AGK: variants seen among roughly 807,000 people sequenced by gnomAD.
AGK encodes the protein acylglycerol kinase, also known as acylglycerol kinase, mitochondrial.
AGK carries 52 observed loss-of-function variants against 66.4 expected under a neutral mutation model. That is an observed-to-expected ratio of 0.78 (90% CI 0.63 to 0.99). AGK has a LOEUF of 0.99. Among genes scored for constraint, AGK ranks in the 50% least tolerant of loss-of-function variants. AGK has a pLI of 0.00. For synonymous variants in AGK, 182 were observed against 181.1 expected, an observed-to-expected ratio of 1.00 and a Z score of -0.04; for missense variants, 451 against 506.6, an observed-to-expected ratio of 0.89 and a Z score of 1.05.
At chr7:141,563,487 T>G (rs1795397620) in intron 2 of AGK, among the ~76,000 whole-genome samples, 1 of 152,228 alleles carries the variant, frequency 6.6e-6, no homozygotes, top group Non-Finnish European at 1.5e-5. Context: ...TCAATGCCAT[T>G]TTCTTTCTAA....
chr7:141,619,599 TTTAGTCA>T (rs1796780585), intron 8 of AGK, among the ~76,000 whole-genome samples: 1 of 152,032 alleles, frequency 6.6e-6, no homozygotes, highest in Non-Finnish European at 1.5e-5. Context: ...GAAGAAAATC[TTTAGTCA>T]TTAGAGAAAT....
chr7:141,616,119 G>T (rs1322997060), intron 8 of AGK: 1 of 152,336 alleles, frequency 6.6e-6, no homozygotes, highest in East Asian at 1.9e-4. Flanking sequence ...GTGTTTTTGG[G>T]AGTCAAGCAA....
At chr7:141,577,979 A>AT (rs1795788821) in intron 2 of AGK, among the ~76,000 whole-genome samples, 1 of 151,866 alleles carries the variant, frequency 6.6e-6, no homozygotes, top group South Asian at 2.1e-4. Context: ...CGCCCAGCTA[A>AT]TTTTTTTGGA....
intron 5 of AGK, among the ~76,000 whole-genome samples, chr7:141,608,976 A>T (rs1343308279): frequency 6.6e-6 from 1 of 152,200 alleles, no homozygotes; most frequent in Admixed American, 6.5e-5. Flanking sequence ...CATCCTTTTC[A>T]TCAGGATTGA....
Position 141,652,996 on chromosome 7 carries a change from G to GCC in AGK, c.*73_*74dup. The GCC allele has an allele frequency of 6.3e-7, 1 of 1,586,376 alleles. No homozygotes were observed. The highest frequency in any genetic ancestry group is 8.6e-7 in the Non-Finnish European group (1 of 1,163,612). On this transcript the variant is annotated 3_prime_UTR_variant, in exon 16 of 16. Coordinates refer to ENST00000649286, the MANE Select transcript of AGK (RefSeq NM_018238.4). ...GGACCAAAAGGGAACAGGTGCCTCA[G>GCC]CCATCCCAACAGTGTCGTCAGAGGG...
intron 10 of AGK, 130 bp from the exon 11 acceptor site, chr7:141,636,830 C>A: frequency 1.5e-6 from 1 of 656,986 alleles, no homozygotes; most frequent in Non-Finnish European, 2.6e-6. Context: ...TAAGCCATAA[C>A]CTCCTAGCTA....
chr7:141,648,173 A>G (rs751115537), intron 13 of AGK, among the ~76,000 whole-genome samples: 2 of 152,060 alleles, frequency 1.3e-5, no homozygotes, highest in Non-Finnish European at 2.9e-5. Context: ...GCGCCACCTC[A>G]TGTTCCTTGC....
At chr7:141,629,153 T>A (rs932216194) in intron 9 of AGK, among the ~76,000 whole-genome samples, 5 of 152,186 alleles carry the variant, frequency 3.3e-5, no homozygotes, top group Non-Finnish European at 7.3e-5. Flanking sequence ...TCTACTTTGT[T>A]TCTTTCTCTT....
intron 11 of AGK, among the ~76,000 whole-genome samples, chr7:141,639,772 T>A (rs2117010180): frequency 6.6e-6 from 1 of 152,294 alleles, no homozygotes; most frequent in South Asian, 2.1e-4. Context: ...ACATGAATGC[T>A]CCTTTGGGTG....
rs1797612948 is a variant in AGK at position 141,653,493 on chromosome 7, T to A, written c.*569T>A. The A allele has an allele frequency of 6.6e-6, 1 of 152,388 alleles. No individual in the cohort carries two copies. 9.4% of individuals were successfully genotyped at this position (152,388 alleles called of 1,614,324 possible). ...GGAAAATGCTAGTTTTTATTTATTT[T>A]TTTAAGTAGTGCTTCCTAAATGGTT... On this transcript the variant is annotated 3_prime_UTR_variant, in exon 16 of 16. Coordinates refer to ENST00000649286, the MANE Select transcript of AGK (RefSeq NM_018238.4).
rs368433813 is a variant in AGK at position 141,611,177 on chromosome 7, G to A, written c.298-18G>A. On this transcript the variant is annotated intron_variant, in intron 5 of 15. Coordinates refer to ENST00000649286, the MANE Select transcript of AGK (RefSeq NM_018238.4). ...CTCTAGGTTGATAAACTCACCAAAG[G>A]CTTCCTTGGTATTTCAGACAGATTA... 5.1e-6 allele frequency: 8 copies of A among 1,564,848 alleles called. No individual in the cohort carries two copies. Among genetic ancestry groups the A allele is most frequent in the South Asian group, 1.1e-5 (1 of 88,938 alleles).
At position 141,652,866 on chromosome 7, in the gene AGK, T is replaced by C; in HGVS notation, c.1211T>C (p.Leu404Pro). The C allele has an allele frequency of 1.2e-6, 2 of 1,614,038 alleles. No homozygotes were observed. Among genetic ancestry groups the C allele is most frequent in the Non-Finnish European group, 1.7e-6 (2 of 1,179,996 alleles). ...PVEVKLLPRKLQFFCDPRKRE... is the reference protein window; with the variant it reads ...PVEVKLLPRKPQFFCDPRKRE... ...GAGGTGAAACTGCTCCCCAGGAAGC[T>C]GCAGTTCTTCTGTGATCCTAGGAAG... Residue 404 changes from leucine to proline, a missense_variant, in exon 16 of 16, where the codon CTG (leucine) becomes CCG (proline). By Grantham distance (98) the Leu-to-Pro change is moderately conservative. Coordinates refer to ENST00000649286, the MANE Select transcript of AGK (RefSeq NM_018238.4).
At chr7:141,629,657 C>A (rs1045102532) in intron 9 of AGK, among the ~76,000 whole-genome samples, 2 of 152,168 alleles carry the variant, frequency 1.3e-5, no homozygotes, top group Non-Finnish European at 2.9e-5. Context: ...TTCTGCCTTG[C>A]TGGCTCATTT....
At chr7:141,619,045 A>G (rs1179641462) in intron 8 of AGK, among the ~76,000 whole-genome samples, 1 of 152,136 alleles carries the variant, frequency 6.6e-6, no homozygotes, top group African/African-American at 2.4e-5. Context: ...GAAGAGAGAA[A>G]TCAAGAAGAC....
intron 2 of AGK, among the ~76,000 whole-genome samples, chr7:141,589,979 TTAAC>T (rs1796075549): frequency 6.6e-6 from 1 of 152,212 alleles, no homozygotes; most frequent in South Asian, 2.1e-4. Context: ...ATTCAGGGAA[TTAAC>T]TATCACAAAA....
intron 10 of AGK, among the ~76,000 whole-genome samples, chr7:141,636,226 T>TTG (rs1231536716): frequency 1.3e-5 from 2 of 152,318 alleles, no homozygotes; most frequent in Non-Finnish European, 2.9e-5. Flanking sequence ...ATATGTGCAT[T>TTG]TGTGTGTGTG....
intron 13 of AGK, among the ~76,000 whole-genome samples, chr7:141,643,396 G>A (rs547079616): frequency 3.9e-5 from 6 of 152,184 alleles, no homozygotes; most frequent in Admixed American, 1.3e-4. Flanking sequence ...GTGATTATCA[G>A]TATAAAATTA....
At chr7:141,594,115 C>G (rs1276545679) in intron 3 of AGK, 6 of 152,062 alleles carry the variant, frequency 3.9e-5, no homozygotes, top group African/African-American at 1.4e-4. Context: ...TTGATTACTT[C>G]TTTGTTTAAA....
intron 5 of AGK, among the ~76,000 whole-genome samples, chr7:141,609,857 A>C (rs1009986192): frequency 6.6e-6 from 1 of 152,156 alleles, no homozygotes; most frequent in Non-Finnish European, 1.5e-5. Context: ...ATAACAAAAG[A>C]CATTTTTATC....
Sources: gnomAD v4.1 joint callset for allele counts (sites outside exome capture counted in the v4.1 genomes callset) on GRCh38, gnomAD v4.1.1 for gene constraint, MANE v1.5 for transcripts, NCBI Gene and HGNC (gene_info 2026-07-23, HGNC 2026-07-21) for gene names.